ADCY8: variants seen among roughly 807,000 people sequenced by gnomAD.
The protein encoded by ADCY8 is adenylate cyclase 8.
Under a neutral mutation model 119.7 loss-of-function variants are expected in ADCY8, and 51 were observed. The ratio of observed to expected loss-of-function variants is 0.43; its 90% confidence interval spans 0.34 to 0.54. The LOEUF (loss-of-function observed/expected upper bound fraction) is 0.54, where lower values mean the gene tolerates loss of function less well. Among genes scored for constraint, ADCY8 ranks in the 20% least tolerant of loss-of-function variants. ADCY8 has a pLI of 0.03. For synonymous variants in ADCY8, 665 were observed against 651.0 expected, an observed-to-expected ratio of 1.02 and a Z score of -0.33; for missense variants, 1,383 against 1,598.8, an observed-to-expected ratio of 0.87 and a Z score of 2.30.
intron 6 of ADCY8, among the ~76,000 whole-genome samples, chr8:130,906,220 C>G (rs960350306): frequency 6.6e-6 from 1 of 152,150 alleles, no homozygotes; most frequent in African/African-American, 2.4e-5. Flanking sequence ...AATAACAGAT[C>G]GTTTGACCTT....
intron 15 of ADCY8, among the ~76,000 whole-genome samples, chr8:130,794,777 A>G (rs1284278885): frequency 6.6e-6 from 1 of 152,198 alleles, no homozygotes; most frequent in African/African-American, 2.4e-5. Flanking sequence ...GTGCTTTTTA[A>G]TCTCTGCATT....
chr8:130,872,023 T>C (rs1818380541), intron 8 of ADCY8, among the ~76,000 whole-genome samples: 1 of 152,100 alleles, frequency 6.6e-6, no homozygotes, highest in South Asian at 2.1e-4. Flanking sequence ...AACTTGAGGA[T>C]CAGAGATGTG....
chr8:130,943,082 G>A (rs1422591023), intron 4 of ADCY8, among the ~76,000 whole-genome samples: 2 of 152,148 alleles, frequency 1.3e-5, no homozygotes, highest in South Asian at 2.1e-4. Context: ...TGATAGGGGC[G>A]TGGAAAGCAG....
rs186287203 is a variant in ADCY8 at position 130,994,309 on chromosome 8, C to T, written c.961-3767G>A. On this transcript the variant is annotated intron_variant, in intron 1 of 17. Transcript: ENST00000286355. Reference sequence around the variant, plus strand: ...AAATGAGTGATCCATTTGTAAACTGCCAATTTCTCTGGGGCATTCTTTCTA... The same window carrying T: ...AAATGAGTGATCCATTTGTAAACTGTCAATTTCTCTGGGGCATTCTTTCTA... Among the ~76,000 whole-genome samples the T allele has an allele frequency of 2.6e-5, 4 of 152,316 alleles. No homozygotes were observed. The East Asian group carries it at 5.8e-4, about 22-fold the overall frequency.
chr8:130,977,869 G>A (rs1197973482), intron 2 of ADCY8, among the ~76,000 whole-genome samples: 1 of 152,160 alleles, frequency 6.6e-6, no homozygotes, highest in Non-Finnish European at 1.5e-5. Context: ...CTTTTCTTGG[G>A]TGCAGTGGAT....
chr8:130,965,265 T>G (rs1159559504), intron 2 of ADCY8, among the ~76,000 whole-genome samples: 1 of 152,162 alleles, frequency 6.6e-6, no homozygotes, highest in East Asian at 1.9e-4. Flanking sequence ...GGCTGAAATC[T>G]AGAATGGTAT....
chr8:130,820,182 A>AT (rs1181176982), intron 13 of ADCY8, among the ~76,000 whole-genome samples: 1 of 152,022 alleles, frequency 6.6e-6, no homozygotes, highest in Non-Finnish European at 1.5e-5. Context: ...AATATTATCT[A>AT]TTTTTTTCTT....
chr8:130,882,202 T>C (rs1310081378), intron 8 of ADCY8, among the ~76,000 whole-genome samples: 1 of 147,640 alleles, frequency 6.8e-6, no homozygotes, highest in Non-Finnish European at 1.5e-5. Flanking sequence ...GTCAATGAAA[T>C]ATAGTAGCTG....
intron 1 of ADCY8, among the ~76,000 whole-genome samples, chr8:131,013,093 C>A (rs933590804): frequency 6.6e-6 from 1 of 152,128 alleles, no homozygotes; most frequent in African/African-American, 2.4e-5. Flanking sequence ...TATATAATTT[C>A]CTCCCTCATT....
At chr8:130,842,328 A>T (rs760117148) in intron 11 of ADCY8, among the ~76,000 whole-genome samples, 3 of 151,940 alleles carry the variant, frequency 2.0e-5, no homozygotes, top group Non-Finnish European at 2.9e-5. Context: ...ATGTGGAAAA[A>T]CTCATGCCAC....
rs1415116647 is a variant in ADCY8 at position 130,828,019 on chromosome 8, G to A, written c.2676-6599C>T. Among the ~76,000 whole-genome samples the A allele has an allele frequency of 3.9e-5, 6 of 152,258 alleles. No homozygotes were observed. In the South Asian group the frequency reaches 8.3e-4, roughly 21 times the overall value. On this transcript the variant is annotated intron_variant, in intron 12 of 17. Coordinates refer to ENST00000286355, the MANE Select transcript of ADCY8 (RefSeq NM_001115.3). ...TCCTTTCAAGGAGGACTTAGCCTTC[G>A]TGTGGGGCTGGAAGAGGTTCTGGAG...
chr8:130,945,602 T>A (rs1323219163), intron 3 of ADCY8, among the ~76,000 whole-genome samples: 1 of 152,258 alleles, frequency 6.6e-6, no homozygotes, highest in Non-Finnish European at 1.5e-5. Flanking sequence ...ATAGTAAATG[T>A]TCCTTAAACG....
intron 17 of ADCY8, among the ~76,000 whole-genome samples, chr8:130,781,130 A>G (rs1815066879): frequency 6.6e-6 from 1 of 152,240 alleles, no homozygotes. Flanking sequence ...AAGTAAAGCC[A>G]CTGTGGCATG....
At chr8:130,812,482 C>T (rs553928167) in intron 14 of ADCY8, among the ~76,000 whole-genome samples, 1 of 152,306 alleles carries the variant, frequency 6.6e-6, no homozygotes, top group East Asian at 1.9e-4. Flanking sequence ...AGCCCTAAAT[C>T]TATGACTGGT....
chr8:130,895,349 G>A lies in ADCY8; in HGVS notation c.1911+8423C>T, dbSNP rs372088158. Reference sequence around the variant, plus strand: ...ATGGGAGTAACCGTGGCTGCATGATGTATGCTTGACAACCTAAATGTGTAT... The same window carrying A: ...ATGGGAGTAACCGTGGCTGCATGATATATGCTTGACAACCTAAATGTGTAT... On this transcript the variant is annotated intron_variant, in intron 7 of 17. Coordinates refer to ENST00000286355, the MANE Select transcript of ADCY8 (RefSeq NM_001115.3). 1.5e-4 allele frequency among the ~76,000 whole-genome samples: 23 copies of A among 152,206 alleles called. 1 individual carries two copies. The East Asian group carries it at 4.3e-3, about 28-fold the overall frequency.
At chr8:131,025,048 GA>G (rs1459627869) in intron 1 of ADCY8, among the ~76,000 whole-genome samples, 1 of 152,158 alleles carries the variant, frequency 6.6e-6, no homozygotes, top group African/African-American at 2.4e-5. Context: ...AGAGCTATCA[GA>G]AACTCATTTT....
chr8:130,921,276 G>C (rs1170383645), intron 5 of ADCY8, among the ~76,000 whole-genome samples: 2 of 151,702 alleles, frequency 1.3e-5, no homozygotes, highest in East Asian at 3.9e-4. Flanking sequence ...TTCCAGCAGG[G>C]GTAGCTAAAA....
chr8:130,866,860 G>C (rs1379260275), intron 9 of ADCY8, among the ~76,000 whole-genome samples: 3 of 152,140 alleles, frequency 2.0e-5, no homozygotes, highest in African/African-American at 7.2e-5. Context: ...CCATGGAAAA[G>C]ATGTAGTACT....
rs186667294 is a variant in ADCY8 at position 130,899,755 on chromosome 8, A to C, written c.1911+4017T>G. 1.8e-3 allele frequency among the ~76,000 whole-genome samples: 271 copies of C among 152,356 alleles called. 1 individual carries two copies. Among genetic ancestry groups the C allele is most frequent in the African/African-American group, 5.7e-3 (239 of 41,588 alleles). ...TCAAGCCCAGATATAGATTTTACTC[A>C]GAGCATGCAGCAGAAAAGGAAAATA... On this transcript the variant is annotated intron_variant, in intron 7 of 17. Coordinates refer to ENST00000286355, the MANE Select transcript of ADCY8 (RefSeq NM_001115.3).
Sources: gnomAD v4.1 joint callset for allele counts (sites outside exome capture counted in the v4.1 genomes callset) on GRCh38, gnomAD v4.1.1 for gene constraint, MANE v1.5 for transcripts, NCBI Gene and HGNC (gene_info 2026-07-23, HGNC 2026-07-21) for gene names.